The following IQSEC1 variants were observed in gnomAD, a reference collection of about 807,000 sequenced individuals.
IQSEC1 encodes IQ motif and Sec7 domain ArfGEF 1, also known as IQ motif and SEC7 domain-containing protein 1.
A neutral mutation model predicts 91.0 loss-of-function variants in IQSEC1; 31 were observed. The observed-to-expected ratio is 0.34, with a 90% confidence interval of 0.26 to 0.46. IQSEC1 has a LOEUF of 0.46. Among genes scored for constraint, IQSEC1 ranks in the 20% least tolerant of loss-of-function variants. The pLI, the probability that IQSEC1 is intolerant of heterozygous loss-of-function variation, is 1.00. For synonymous variants in IQSEC1, 699 were observed against 662.6 expected (o/e 1.05, Z -0.84); for missense variants, 1,388 against 1,575.6 (o/e 0.88, Z 2.02).
At chr3:13,092,066 G>T (rs555466734) in intron 2 of IQSEC1, among the ~76,000 whole-genome samples, 79 of 152,228 alleles carry the variant, frequency 5.2e-4, no homozygotes, top group African/African-American at 1.8e-3. Flanking sequence ...CTCTTTCTGG[G>T]GTCAAGCTAC....
chr3:12,913,562 G>A lies in IQSEC1; in HGVS notation c.2191-9C>T, dbSNP rs1333645930. 1.2e-6 allele frequency: 2 copies of A among 1,600,250 alleles called. No homozygotes were observed. Among genetic ancestry groups the A allele is most frequent in the Admixed American group, 1.7e-5 (1 of 59,452 alleles). On this transcript the variant is annotated splice_polypyrimidine_tract_variant and intron_variant, in intron 8 of 13. Transcript: ENST00000613206. ...TGGGGCAGAGAGAGCACCTGTGTGG[G>A]AAGAGGCTGTCCTGCCACGGCCGCC...
chr3:13,263,046 G>C (rs573824697), intron 1 of IQSEC1, among the ~76,000 whole-genome samples: 1 of 152,146 alleles, frequency 6.6e-6, no homozygotes. Flanking sequence ...CCAGGAGTTC[G>C]AGACCAGCCT....
chr3:13,037,117 T>A lies in IQSEC1; in HGVS notation c.23+35875A>T, dbSNP rs117403961. On this transcript the variant is annotated intron_variant, in intron 1 of 13. Coordinates refer to ENST00000613206, the MANE Select transcript of IQSEC1 (RefSeq NM_001134382.3). ...ATGCTCTCCTCTCTGAATCTCTCTT[T>A]CTCTCCTCTTTACATTAAAAAAACC... is the stretch of plus-strand genomic sequence containing the variant. Among the ~76,000 whole-genome samples, 3 of 152,156 alleles carry A rather than the reference T, an allele frequency of 2.0e-5. No homozygotes were observed. In the East Asian group the frequency reaches 5.8e-4, roughly 29 times the overall value.
chr3:12,926,387 G>A (rs1697138170), intron 3 of IQSEC1, among the ~76,000 whole-genome samples: 1 of 152,156 alleles, frequency 6.6e-6, no homozygotes, highest in African/African-American at 2.4e-5. Flanking sequence ...CCTGAAGGAT[G>A]GGTGTCCTCT....
At chr3:13,127,578 C>CT (rs1483439004) in intron 2 of IQSEC1, among the ~76,000 whole-genome samples, 6 of 151,404 alleles carry the variant, frequency 4.0e-5, no homozygotes, top group South Asian at 2.1e-4. Flanking sequence ...ATTTATTTTT[C>CT]TTTTTTTTAA....
intron 1 of IQSEC1, among the ~76,000 whole-genome samples, chr3:13,234,161 T>C (rs112901121): frequency 4.0e-5 from 6 of 151,880 alleles, no homozygotes; most frequent in African/African-American, 1.4e-4. Flanking sequence ...TGTACCCCAG[T>C]GTCTATGTGG....
intron 1 of IQSEC1, among the ~76,000 whole-genome samples, chr3:13,004,984 C>CTGCT: frequency 6.6e-6 from 1 of 152,358 alleles, no homozygotes; most frequent in South Asian, 2.1e-4. Flanking sequence ...GCAGCCAACA[C>CTGCT]TGCTGGTAGA....
chr3:13,015,019 A>C (rs1703053132), intron 1 of IQSEC1, among the ~76,000 whole-genome samples: 2 of 151,602 alleles, frequency 1.3e-5, no homozygotes. Context: ...TCAGCCATAA[A>C]CCTCCATTTG....
chr3:13,238,471 A>G (rs2125099675), intron 1 of IQSEC1, among the ~76,000 whole-genome samples: 1 of 152,208 alleles, frequency 6.6e-6, no homozygotes, highest in East Asian at 1.9e-4. Flanking sequence ...CTCCTCAGAG[A>G]TGGCACCACC....
intron 1 of IQSEC1, among the ~76,000 whole-genome samples, chr3:13,253,292 A>T (rs1346431716): frequency 1.3e-5 from 2 of 152,218 alleles, no homozygotes; most frequent in Non-Finnish European, 2.9e-5. Context: ...TAATACCATG[A>T]GTGGCAGAGC....
intron 1 of IQSEC1, among the ~76,000 whole-genome samples, chr3:13,192,706 G>C (rs1694058056): frequency 6.6e-6 from 1 of 152,242 alleles, no homozygotes; most frequent in South Asian, 2.1e-4. Flanking sequence ...GTGGCTGGGA[G>C]CCACCCACTT....
At chr3:12,960,002 C>A (rs1002974343) in intron 1 of IQSEC1, among the ~76,000 whole-genome samples, 1 of 152,120 alleles carries the variant, frequency 6.6e-6, no homozygotes, top group African/African-American at 2.4e-5. Context: ...CACGTTCCTG[C>A]GACCGCACCT....
intron 2 of IQSEC1, among the ~76,000 whole-genome samples, chr3:13,093,362 C>T (rs1007240978): frequency 6.6e-6 from 1 of 152,018 alleles, no homozygotes; most frequent in Non-Finnish European, 1.5e-5. Flanking sequence ...GCATCCCAGG[C>T]GGTGCCATCT....
At position 13,249,776 on chromosome 3, in the gene IQSEC1, A is replaced by G. The variant is rs923053188; in HGVS notation, c.272+32935T>C. On this transcript the variant is annotated intron_variant, in intron 1 of 15. Transcript: ENST00000648114. ...GGCACAAGCACAGGAGCAGACTCCAAGGAAGCACAGAGGAGGAGGACGCCA... is the reference window on the plus strand; with the variant it reads ...GGCACAAGCACAGGAGCAGACTCCAGGGAAGCACAGAGGAGGAGGACGCCA... Among the ~76,000 whole-genome samples, 6 of 152,352 alleles carry G rather than the reference A, an allele frequency of 3.9e-5. No homozygotes were observed. The South Asian group carries it at 1.0e-3, about 26-fold the overall frequency.
chr3:13,109,938 A>AGTG (rs919716103), intron 2 of IQSEC1, among the ~76,000 whole-genome samples: 2 of 140,958 alleles, frequency 1.4e-5, no homozygotes, highest in Admixed American at 7.4e-5. Flanking sequence ...GCTTGAGTGC[A>AGTG]GTGGCGTGAT....
At position 12,979,902 on chromosome 3, in the gene IQSEC1, G is replaced by A. The variant is rs996029023; in HGVS notation, c.24-38037C>T. 6.6e-5 allele frequency among the ~76,000 whole-genome samples: 10 copies of A among 152,086 alleles called. No individual in the cohort carries two copies. Among genetic ancestry groups the A allele is most frequent in the South Asian group, 2.1e-4 (1 of 4,832 alleles). Reference sequence around the variant, plus strand: ...ACAAGGATCTAAGAATCCATTTTGCGCAACAAGAAACAGCATACTCAAGCG... The same window carrying A: ...ACAAGGATCTAAGAATCCATTTTGCACAACAAGAAACAGCATACTCAAGCG... On this transcript the variant is annotated intron_variant, in intron 1 of 13. Coordinates refer to ENST00000613206, the MANE Select transcript of IQSEC1 (RefSeq NM_001134382.3). The surrounding 1 kb of genome is among the most constrained non-coding windows in gnomAD (Gnocchi z 4.3).
intron 1 of IQSEC1, among the ~76,000 whole-genome samples, chr3:13,210,329 C>A (rs774728807): frequency 6.6e-6 from 1 of 152,144 alleles, no homozygotes; most frequent in Non-Finnish European, 1.5e-5. Context: ...CCCAGGGCTC[C>A]AGTTCGGCTT....
At chr3:13,248,715 A>G (rs1422206160) in intron 1 of IQSEC1, among the ~76,000 whole-genome samples, 1 of 152,242 alleles carries the variant, frequency 6.6e-6, no homozygotes, top group Non-Finnish European at 1.5e-5. Context: ...TGTGGCTGAC[A>G]GTTACTAATC....
At chr3:12,966,036 G>C (rs1268119514) in intron 1 of IQSEC1, among the ~76,000 whole-genome samples, 1 of 152,202 alleles carries the variant, frequency 6.6e-6, no homozygotes, top group African/African-American at 2.4e-5. Context: ...TGAGGATGCT[G>C]GTACCACAAG....
Sources: allele counts gnomAD v4.1 joint callset (sites outside exome capture counted in the v4.1 genomes callset), GRCh38; gene constraint gnomAD v4.1.1; non-coding constraint Gnocchi (gnomAD v3.1); transcripts MANE v1.5; gene names NCBI Gene and HGNC (gene_info 2026-07-23, HGNC 2026-07-21).